Variants in ELL3 observed in about 807,000 individuals in gnomAD.
ELL3 encodes RNA polymerase II elongation factor ELL3.
A neutral mutation model predicts 58.5 loss-of-function variants in ELL3; 48 were observed. The observed-to-expected ratio is 0.82, with a 90% CI of 0.65 to 1.04. The LOEUF is 1.04. Ranked by LOEUF, ELL3 falls within the 50% of genes least tolerant of loss-of-function variation. The pLI, the probability that ELL3 is intolerant of heterozygous loss-of-function variation, is 0.00. For synonymous variants in ELL3, 174 were observed against 173.2 expected (o/e 1.00, Z -0.04); for missense variants, 458 against 478.4 (o/e 0.96, Z 0.40).
rs769078701 is a variant in ELL3 at position 43,776,865 on chromosome 15, G to A, written c.37C>T (p.Arg13Trp). 3 of 1,611,752 alleles carry A rather than the reference G, an allele frequency of 1.9e-6. No individual in the cohort carries two copies. Among genetic ancestry groups the A allele is most frequent in the South Asian group, 2.2e-5 (2 of 90,688 alleles). ...ELQEPLRGQL[R>W]LCFTQAARTS... is the part of the protein sequence containing the mutation. ...CGGGCAGCTTGCGTGAAGCAGAGCC[G>A]GAGCTGTCCTCTCAGAGGCTCCTGG... is the stretch of plus-strand genomic sequence containing the variant. The change falls in exon 1 of 11, where the codon CGG (arginine) becomes TGG (tryptophan). Residue 13 changes from arginine to tryptophan, a missense_variant. Transcript: ENST00000319359.
intron 9 of ELL3, 39 bp from the exon 10 acceptor site, chr15:43,773,387 A>C (rs374036063): frequency 6.2e-7 from 1 of 1,612,520 alleles, no homozygotes; most frequent in Non-Finnish European, 8.5e-7. Flanking sequence ...CAACATTAAG[A>C]AATGAGAGAG....
At chr15:43,775,251 C>T in intron 6 of ELL3, 55 bp downstream of exon 6, 1 of 1,494,814 alleles carries the variant, frequency 6.7e-7, no homozygotes, top group Non-Finnish European at 9.1e-7. Flanking sequence ...TAGTCTTTGC[C>T]ACTGTTTAAT....
chr15:43,773,317 T>C lies in ELL3; in HGVS notation c.1070A>G (p.Lys357Arg). ...VLEDKIIQEY[K>R]KFRKQYPSYR... Reference sequence around the variant, plus strand: ...ACCTTGTCTTACCTTCCTGAACTTTTTATATTCCTGGATTATCTTGTCTTC... The same window carrying C: ...ACCTTGTCTTACCTTCCTGAACTTTCTATATTCCTGGATTATCTTGTCTTC... The change falls in exon 10 of 11, where the codon AAA (lysine) becomes AGA (arginine). Residue 357 changes from lysine (K) to arginine (R), a missense_variant. Physicochemically the swap from Lys to Arg is conservative, Grantham distance 26 (BLOSUM62 2). Transcript: ENST00000319359. The C allele has an allele frequency of 6.2e-7, 1 of 1,614,206 alleles. No individual in the cohort carries two copies. Among genetic ancestry groups the C allele is most frequent in the Non-Finnish European group, 8.5e-7 (1 of 1,180,042 alleles).
intron 1 of ELL3, 86 bp downstream of exon 1, chr15:43,776,684 C>G: frequency 6.4e-7 from 1 of 1,553,328 alleles, no homozygotes. Context: ...AAGCCGCTCC[C>G]TCTCCCCTGC....
Position 43,776,887 on chromosome 15 carries a change from C to T in ELL3, c.15G>A (p.Gln5=). Reference sequence around the variant, plus strand: ...GCCGGAGCTGTCCTCTCAGAGGCTCCTGGAGCTCCTCCATGGCGACGAGTT... The same window carrying T: ...GCCGGAGCTGTCCTCTCAGAGGCTCTTGGAGCTCCTCCATGGCGACGAGTT... The part of the protein sequence containing the change: MEEL[Q]EPLRGQLRLC... Residue 5 remains glutamine (Q), a synonymous_variant, in exon 1 of 11, where the codon CAG becomes CAA. Transcript: ENST00000319359. 1 of 1,611,362 alleles carries T rather than the reference C, an allele frequency of 6.2e-7. No individual in the cohort carries two copies. Among genetic ancestry groups the T allele is most frequent in the South Asian group, 1.1e-5 (1 of 90,850 alleles).
rs1027978639 is a variant in ELL3, at chr15:43,774,043, A to G, written c.1038+139T>C. ...GTAACTTCCCTTCTCATTCTACCAA[A>G]TGATACAGACTAATTTTTCCCTTCA... On this transcript the variant is annotated intron_variant, in intron 9 of 10. Transcript: ENST00000319359. 5 of 1,072,164 alleles carry G rather than the reference A, an allele frequency of 4.7e-6. No homozygotes were observed. In the Admixed American group the frequency reaches 1.1e-4, roughly 23 times the overall value. The allele number at this position is 1,072,164 out of a possible 1,614,324, so 66.4% of individuals were successfully genotyped here. A position where few individuals can be genotyped will look rare whatever the true frequency, so the allele number is the denominator to read the frequency against.
rs113243709 is a variant in ELL3 at position 43,775,409 on chromosome 15, A to G, written c.570-28T>C. On this transcript the variant is annotated intron_variant, in intron 5 of 10. Coordinates refer to ENST00000319359, the MANE Select transcript of ELL3 (RefSeq NM_025165.3). ...AGGATATTTTAAGGGAATGGGACAG[A>G]TGAAGACCAGGGTAGGAGGTGGAAC... 438 of 1,610,738 alleles carry G rather than the reference A, an allele frequency of 2.7e-4. 1 individual carries two copies. The African/African-American group carries it at 5.2e-3, about 19-fold the overall frequency.
chr15:43,776,316 GCA>G, intron 2 of ELL3, 165 bp from the exon 3 acceptor site: 4 of 1,116,844 alleles, frequency 3.6e-6, no homozygotes, highest in Non-Finnish European at 5.2e-6. Context: ...GGCCGAAACA[GCA>G]CAGTCCCCTC....
In ELL3 at chr15:43,776,425, G is replaced by A. The variant is rs2086917466; in HGVS notation, c.168+84C>T. 3 of 1,545,606 alleles carry A rather than the reference G, an allele frequency of 1.9e-6. No homozygotes were observed. In the African/African-American group the frequency reaches 4.1e-5, roughly 21 times the overall value. ...CAGACCGTGACTACTCGCAGCCTCC[G>A]GCCCCGACCGCACCTTCCACCTCCA... On this transcript the variant is annotated intron_variant, in intron 2 of 10. Transcript: ENST00000319359.
chr15:43,775,269 A>C (rs754270202), intron 6 of ELL3, 37 bp downstream of exon 6: 3 of 1,548,478 alleles, frequency 1.9e-6, no homozygotes, highest in Middle Eastern at 1.7e-4. Flanking sequence ...AATTATATTA[A>C]TGTTACAAAA....
At chr15:43,776,217 G>C (rs569865330) in intron 2 of ELL3, 66 bp from the exon 3 acceptor site, 2 of 1,428,992 alleles carry the variant, frequency 1.4e-6, no homozygotes, top group Non-Finnish European at 2.0e-6. Flanking sequence ...GCCGCCACTC[G>C]TCCGGGAGCC....
At chr15:43,773,394 A>G (rs1436469521) in intron 9 of ELL3, 46 bp from the exon 10 acceptor site, 2 of 1,609,790 alleles carry the variant, frequency 1.2e-6, no homozygotes, top group Non-Finnish European at 8.5e-7. Context: ...AAGAAATGAG[A>G]GAGGGGCGGC....
In ELL3 at chr15:43,772,880, C is replaced by G; in HGVS notation, c.*236G>C. 1 of 364,726 alleles carries G rather than the reference C, an allele frequency of 2.7e-6. No individual in the cohort carries two copies. Among genetic ancestry groups the G allele is most frequent in the Non-Finnish European group, 4.9e-6 (1 of 205,646 alleles). The allele number at this position is 364,726 out of a possible 1,614,324, so 22.6% of individuals were successfully genotyped here. On this transcript the variant is annotated 3_prime_UTR_variant, in exon 11 of 11. Coordinates refer to ENST00000319359, the MANE Select transcript of ELL3 (RefSeq NM_025165.3). ...CTGAACTAAAGGTAAAAAAGCCAAG[C>G]CTCTGTCACTTTTCCTAGACTCCTA...
chr15:43,776,770 C>T lies in ELL3; in HGVS notation c.132G>A (p.Gln44=), dbSNP rs552582298. 1.6e-5 allele frequency: 25 copies of T among 1,603,426 alleles called. No individual in the cohort carries two copies. In the African/African-American group the frequency reaches 2.0e-4, roughly 13 times the overall value. ...LRALQECQRQ[Q]VRPVIAFQGH... Reference sequence around the variant, plus strand: ...TAGAGAAGAAGGGGGCCGGCCGTACCTGTTGCCGCTGACACTCTTGCAGCG... The same window carrying T: ...TAGAGAAGAAGGGGGCCGGCCGTACTTGTTGCCGCTGACACTCTTGCAGCG... The change falls in exon 1 of 11, where the codon CAG becomes CAA. Residue 44 remains glutamine (Q), a splice_region_variant and synonymous_variant. Transcript: ENST00000319359.
At position 43,774,277 on chromosome 15, in the gene ELL3, G is replaced by A. The variant is rs760957561; in HGVS notation, c.943C>T (p.Arg315Cys). 1.1e-5 allele frequency: 18 copies of A among 1,614,148 alleles called. No homozygotes were observed. The highest frequency in any genetic ancestry group is 1.0e-4 in the Admixed American group (6 of 60,012). ...GTCCCAACACGGGCATGCAGGATGC[G>A]GTATTCAGCATAATCTGTCTCAAAG... ...QDFETDYAEY[R>C]ILHARVGTAS... is the part of the protein sequence containing the mutation. Residue 315 changes from arginine (R) to cysteine (C), a missense_variant, in exon 9 of 11, where the codon CGC (arginine) becomes TGC (cysteine). By Grantham distance (180) the Arg-to-Cys change is radical. Transcript: ENST00000319359.
At position 43,776,773 on chromosome 15, in the gene ELL3, T is replaced by C. The variant is rs2141663333; in HGVS notation, c.129A>G (p.Gln43=). 1 of 1,604,142 alleles carries C rather than the reference T, an allele frequency of 6.2e-7. No homozygotes were observed. The highest frequency in any genetic ancestry group is 8.5e-7 in the Non-Finnish European group (1 of 1,173,384). The change falls in exon 1 of 11, where the codon CAA becomes CAG. Residue 43 remains glutamine, a synonymous_variant. Transcript: ENST00000319359. ...AGAAGAAGGGGGCCGGCCGTACCTG[T>C]TGCCGCTGACACTCTTGCAGCGCCC... is the stretch of plus-strand genomic sequence containing the variant. ...ALRALQECQR[Q]QVRPVIAFQG...
chr15:43,774,912 C>T (rs993796169), intron 6 of ELL3, 139 bp from the exon 7 acceptor site: 18 of 915,008 alleles, frequency 2.0e-5, no homozygotes, highest in Admixed American at 1.3e-4. Context: ...GTGGGGGGAT[C>T]GCTTGAGCCC....
chr15:43,775,827 C>T lies in ELL3; in HGVS notation c.378G>A (p.Gln126=), dbSNP rs1169449785. 7 of 1,614,204 alleles carry T rather than the reference C, an allele frequency of 4.3e-6. No homozygotes were observed. The highest frequency in any genetic ancestry group is 5.9e-6 in the Non-Finnish European group (7 of 1,180,034). ...MDSIPAPSSV[Q]GHNLTEDARH... ...TGGCATCTTCAGTCAGGTTGTGTCC[C>T]TGAACTGATGATGGGGCTGGGATAG... The change falls in exon 4 of 11, where the codon CAG becomes CAA. Residue 126 remains glutamine, a synonymous_variant. Coordinates refer to ENST00000319359, the MANE Select transcript of ELL3 (RefSeq NM_025165.3).
rs1472670621 is a variant in ELL3, at chr15:43,774,714, A to G, written c.705T>C (p.Pro235=). 2 of 1,613,986 alleles carry G rather than the reference A, an allele frequency of 1.2e-6. No individual in the cohort carries two copies. Among genetic ancestry groups the G allele is most frequent in the African/African-American group, 2.7e-5 (2 of 74,898 alleles). Residue 235 remains proline (P), a synonymous_variant, in exon 7 of 11, where the codon CCT becomes CCC. Transcript: ENST00000319359. ...GGCCTTGTAGGGGGCTTGGCACTAA[A>G]GGCAGAGTTCTGAACCTCTTTTCTT... ...ELEEKRFRTL[P]LVPSPLQGLT...
Sources: gnomAD v4.1 joint callset for allele counts on GRCh38, gnomAD v4.1.1 for gene constraint, MANE v1.5 for transcripts, NCBI Gene and HGNC (gene_info 2026-07-23, HGNC 2026-07-21) for gene names.